ZNF423: variants seen among roughly 807,000 people sequenced by gnomAD.
The protein encoded by ZNF423 is Ebf-associated zinc finger protein.
In ZNF423, 12 loss-of-function variants were observed where a neutral mutation model predicts 95.8. The observed-to-expected ratio is 0.13, with a 90% confidence interval of 0.08 to 0.20. ZNF423 has a LOEUF of 0.20. Ranked by LOEUF, ZNF423 falls within the 10% of genes least tolerant of loss-of-function variation. The probability of loss-of-function intolerance (pLI) is 1.00; values close to 1 mark genes in which losing one functional copy is unlikely to be tolerated. For synonymous variants in ZNF423, 749 were observed against 711.9 expected (o/e 1.05, Z -0.83); for missense variants, 1,316 against 1,737.1 (o/e 0.76, Z 4.31).
chr16:49,645,320 A>G (rs1973132162), intron 3 of ZNF423, among the ~76,000 whole-genome samples: 1 of 152,192 alleles, frequency 6.6e-6, no homozygotes, highest in Non-Finnish European at 1.5e-5. Flanking sequence ...CAGATGGAAA[A>G]GCTGAGGCCC....
intron 1 of ZNF423, among the ~76,000 whole-genome samples, chr16:49,821,017 C>G (rs996244635): frequency 1.3e-5 from 2 of 152,204 alleles, no homozygotes; most frequent in Non-Finnish European, 2.9e-5. Flanking sequence ...ACCCTTGGAG[C>G]CTTGTTCGCC....
At chr16:49,675,821 CAT>C (rs1276205975) in intron 3 of ZNF423, among the ~76,000 whole-genome samples, 9 of 152,136 alleles carry the variant, frequency 5.9e-5, no homozygotes, top group African/African-American at 2.2e-4. Flanking sequence ...AATGTAAAAG[CAT>C]ATGTGTGCAC....
chr16:49,791,682 C>T (rs1056230574), intron 1 of ZNF423, among the ~76,000 whole-genome samples: 1 of 152,086 alleles, frequency 6.6e-6, no homozygotes, highest in African/African-American at 2.4e-5. Context: ...ATATGTTCAG[C>T]AGAATCCCTT....
intron 3 of ZNF423, chr16:49,708,011 A>G (rs1032320532): frequency 1.3e-5 from 2 of 154,378 alleles, no homozygotes; most frequent in African/African-American, 4.8e-5. Context: ...AGGGCAAAAC[A>G]TCTGGAGTTC....
intron 7 of ZNF423, among the ~76,000 whole-genome samples, chr16:49,493,253 C>T (rs992905702): frequency 1.3e-5 from 2 of 152,166 alleles, no homozygotes; most frequent in African/African-American, 4.8e-5. Flanking sequence ...TCCTCCCTCC[C>T]AACCAAGCTG....
intron 3 of ZNF423, among the ~76,000 whole-genome samples, chr16:49,659,138 C>T (rs2030059933): frequency 6.6e-6 from 1 of 152,308 alleles, no homozygotes; most frequent in Admixed American, 6.5e-5. Context: ...GCCCAGGCTG[C>T]AGTGCAGTGG....
chr16:49,678,103 A>G (rs1031105485), intron 3 of ZNF423, among the ~76,000 whole-genome samples: 1 of 152,090 alleles, frequency 6.6e-6, no homozygotes, highest in Non-Finnish European at 1.5e-5. Context: ...TAATTGCTTG[A>G]GCTTGGGAGG....
At chr16:49,819,664 G>A (rs1047944819) in intron 1 of ZNF423, among the ~76,000 whole-genome samples, 6 of 152,074 alleles carry the variant, frequency 3.9e-5, no homozygotes, top group African/African-American at 7.2e-5. Context: ...GGCCGGGCTG[G>A]TCTCAAACTC....
intron 1 of ZNF423, among the ~76,000 whole-genome samples, chr16:49,806,625 G>C (rs1450783448): frequency 6.6e-6 from 1 of 152,098 alleles, no homozygotes; most frequent in Non-Finnish European, 1.5e-5. Flanking sequence ...GTGTATGTAT[G>C]ACGTGTGTGT....
chr16:49,515,920 G>T (rs77295866), intron 7 of ZNF423, among the ~76,000 whole-genome samples: 2 of 152,242 alleles, frequency 1.3e-5, no homozygotes, highest in South Asian at 2.1e-4. Flanking sequence ...GTGGCTAACC[G>T]CTGGCATGGG....
chr16:49,641,652 C>T (rs377163378), intron 3 of ZNF423, among the ~76,000 whole-genome samples: 1 of 152,242 alleles, frequency 6.6e-6, no homozygotes, highest in African/African-American at 2.4e-5. Flanking sequence ...GCCCTCCCAG[C>T]TCCTCTATGA....
chr16:49,801,233 G>A (rs1196185279), intron 1 of ZNF423, among the ~76,000 whole-genome samples: 3 of 152,160 alleles, frequency 2.0e-5, no homozygotes, highest in African/African-American at 2.4e-5. Flanking sequence ...GGAGACAGAC[G>A]CCAGCCTGGC....
At chr16:49,513,522 A>T (rs17199756) in intron 7 of ZNF423, among the ~76,000 whole-genome samples, 20,052 of 152,200 alleles carry the variant, frequency 0.13, 1,361 homozygotes, top group East Asian at 0.2. Flanking sequence ...CAGGGATTTT[A>T]AAAATGGGCT....
intron 1 of ZNF423, among the ~76,000 whole-genome samples, chr16:49,842,524 A>C (rs1051742595): frequency 7.9e-5 from 12 of 152,042 alleles, no homozygotes; most frequent in African/African-American, 2.9e-4. Context: ...AGGTGGAAGG[A>C]TCACTTGAGC....
At chr16:49,491,432 C>A (rs1355794657) in intron 7 of ZNF423, 128 bp from the exon 8 acceptor site, 6 of 1,241,116 alleles carry the variant, frequency 4.8e-6, no homozygotes, top group Non-Finnish European at 6.9e-6. Flanking sequence ...CAAAATGCAA[C>A]AAGGAAAAAG....
intron 2 of ZNF423, among the ~76,000 whole-genome samples, chr16:49,748,516 G>T (rs2033568872): frequency 6.6e-6 from 1 of 152,162 alleles, no homozygotes; most frequent in South Asian, 2.1e-4. Context: ...CCCCTTCCAG[G>T]AGTGCACATC....
intron 3 of ZNF423, among the ~76,000 whole-genome samples, chr16:49,726,856 CAAAAAAAAA>C (rs368675702): frequency 2.7e-4 from 26 of 94,752 alleles, no homozygotes; most frequent in South Asian, 8.6e-4. Context: ...TTCCCCCTAG[CAAAAAAAAA>C]AAAAAAAAAA....
At chr16:49,811,206 C>A (rs567726169) in intron 1 of ZNF423, among the ~76,000 whole-genome samples, 2 of 152,056 alleles carry the variant, frequency 1.3e-5, no homozygotes, top group Non-Finnish European at 2.9e-5. Context: ...ACAGATGGGA[C>A]GCTATCAGCA....
At chr16:49,839,601 G>C (rs1443971242) in intron 1 of ZNF423, among the ~76,000 whole-genome samples, 1 of 152,186 alleles carries the variant, frequency 6.6e-6, no homozygotes, top group South Asian at 2.1e-4. Flanking sequence ...GGTCCCCAGG[G>C]CAAGACTGGG....
Sources: gnomAD v4.1 joint callset for allele counts (sites outside exome capture counted in the v4.1 genomes callset) on GRCh38, gnomAD v4.1.1 for gene constraint, MANE v1.5 for transcripts, NCBI Gene and HGNC (gene_info 2026-07-23, HGNC 2026-07-21) for gene names.